Variants in PTPRO observed in about 807,000 individuals in gnomAD.
The protein encoded by PTPRO is protein tyrosine phosphatase receptor type O.
Under a neutral mutation model 145.2 loss-of-function variants are expected in PTPRO, and 62 were observed. The observed-to-expected ratio is 0.43, with a 90% CI of 0.35 to 0.53. The LOEUF is 0.53. PTPRO is among the 20% of genes least tolerant of loss of function. The pLI, the probability that PTPRO is intolerant of heterozygous loss-of-function variation, is 0.01. For missense variants in PTPRO, 1,345 were observed against 1,482.7 expected (o/e 0.91, Z 1.53); for synonymous variants, 565 against 514.7 (o/e 1.10, Z -1.32).
At chr12:15,574,259 C>T (rs1199423328) in intron 19 of PTPRO, among the ~76,000 whole-genome samples, 1 of 152,170 alleles carries the variant, frequency 6.6e-6, no homozygotes, top group Non-Finnish European at 1.5e-5. Context: ...GATTATCCTT[C>T]TGATAAAAAT....
chr12:15,478,052 C>T (rs147281980), intron 1 of PTPRO, among the ~76,000 whole-genome samples: 120 of 152,292 alleles, frequency 7.9e-4, no homozygotes, highest in African/African-American at 2.7e-3. Context: ...AAATTGTTCC[C>T]TACATTCTCA....
chr12:15,465,275 T>C (rs1389615552), intron 1 of PTPRO, among the ~76,000 whole-genome samples: 1 of 152,242 alleles, frequency 6.6e-6, no homozygotes, highest in Non-Finnish European at 1.5e-5. Context: ...GCTGAACATA[T>C]TACTCATGCA....
At chr12:15,473,610 T>A (rs565244644) in intron 1 of PTPRO, among the ~76,000 whole-genome samples, 96 of 151,264 alleles carry the variant, frequency 6.3e-4, no homozygotes, top group Non-Finnish European at 1.2e-3. Flanking sequence ...TACTAAAAAG[T>A]ACAAAAATTA....
chr12:15,427,296 G>C (rs1174756277), intron 1 of PTPRO, among the ~76,000 whole-genome samples: 1 of 151,712 alleles, frequency 6.6e-6, no homozygotes, highest in Admixed American at 6.6e-5. Context: ...CATGTTTTGG[G>C]AGTTTATCTT....
intron 1 of PTPRO, among the ~76,000 whole-genome samples, chr12:15,441,545 A>G (rs1940764333): frequency 6.6e-6 from 1 of 152,196 alleles, no homozygotes; most frequent in African/African-American, 2.4e-5. Flanking sequence ...CCAAAAATTC[A>G]TACAAAGTAT....
At chr12:15,461,758 G>A (rs1261638845) in intron 1 of PTPRO, among the ~76,000 whole-genome samples, 2 of 151,702 alleles carry the variant, frequency 1.3e-5, no homozygotes, top group Non-Finnish European at 2.9e-5. Context: ...AGCAGAGATG[G>A]GGTTTCACCG....
intron 1 of PTPRO, among the ~76,000 whole-genome samples, chr12:15,380,418 G>T (rs952599559): frequency 6.6e-6 from 1 of 151,864 alleles, no homozygotes; most frequent in East Asian, 1.9e-4. Context: ...AAGAAGAAAA[G>T]GTGGATAGGG....
At chr12:15,475,473 C>T (rs1055366759) in intron 1 of PTPRO, among the ~76,000 whole-genome samples, 1 of 152,100 alleles carries the variant, frequency 6.6e-6, no homozygotes, top group African/African-American at 2.4e-5. Flanking sequence ...AGATATGAAG[C>T]ACAATATGTA....
At chr12:15,523,066 A>C (rs922072868) in intron 10 of PTPRO, among the ~76,000 whole-genome samples, 4 of 152,224 alleles carry the variant, frequency 2.6e-5, no homozygotes, top group African/African-American at 4.8e-5. Context: ...TGTTAGATGC[A>C]TTGATGATCT....
chr12:15,368,836 C>G (rs59484937), intron 1 of PTPRO, among the ~76,000 whole-genome samples: 25,642 of 152,116 alleles, frequency 0.17, 5,128 homozygotes, highest in African/African-American at 0.48. Flanking sequence ...TTAAGTGGAC[C>G]TGTTATATTT....
chr12:15,478,918 G>A (rs901160222), intron 1 of PTPRO, among the ~76,000 whole-genome samples: 6 of 152,092 alleles, frequency 3.9e-5, no homozygotes, highest in Admixed American at 1.3e-4. Context: ...TGATCCGCCC[G>A]CCTCGGCCTC....
intron 12 of PTPRO, among the ~76,000 whole-genome samples, chr12:15,537,571 T>C (rs1943090378): frequency 6.6e-6 from 1 of 152,180 alleles, no homozygotes; most frequent in Admixed American, 6.5e-5. Context: ...ACTGGTGATT[T>C]TGAGAAGAGG....
chr12:15,526,015 A>G lies in PTPRO; in HGVS notation c.2044-127A>G, dbSNP rs1454538267. 3.3e-6 allele frequency: 4 copies of G among 1,204,166 alleles called. No homozygotes were observed. The African/African-American group carries it at 4.5e-5, about 14-fold the overall frequency. 74.6% of individuals were successfully genotyped at this position (1,204,166 alleles called of 1,614,324 possible). A position where few individuals can be genotyped will look rare whatever the true frequency, so the allele number is the denominator to read the frequency against. ...TCAGAAGATATAACGTATCTATAATATAATCAATTGCAGACTGCTGCATAG... is the reference window on the plus strand; with the variant it reads ...TCAGAAGATATAACGTATCTATAATGTAATCAATTGCAGACTGCTGCATAG... On this transcript the variant is annotated intron_variant, in intron 11 of 26. Transcript: ENST00000281171.
At chr12:15,550,078 C>T (rs918530548) in intron 14 of PTPRO, among the ~76,000 whole-genome samples, 1 of 152,096 alleles carries the variant, frequency 6.6e-6, no homozygotes, top group Non-Finnish European at 1.5e-5. Flanking sequence ...AAGTGCCAAC[C>T]TCTGCATAGT....
chr12:15,499,040 T>C (rs1942164773), intron 3 of PTPRO, among the ~76,000 whole-genome samples: 1 of 152,200 alleles, frequency 6.6e-6, no homozygotes, highest in Admixed American at 6.5e-5. Context: ...TTTTTCTAAA[T>C]GAAAACTTTT....
chr12:15,346,624 G>A (rs919546595), intron 1 of PTPRO: 2 of 152,182 alleles, frequency 1.3e-5, no homozygotes, highest in African/African-American at 4.8e-5. Flanking sequence ...ATACCGAATG[G>A]TCTATTTGGT....
chr12:15,589,709 T>G, intron 25 of PTPRO, 119 bp downstream of exon 25: 2 of 1,289,608 alleles, frequency 1.6e-6, no homozygotes, highest in Non-Finnish European at 2.2e-6. Flanking sequence ...TTTCCCATTT[T>G]CTTATTGTAT....
intron 1 of PTPRO, among the ~76,000 whole-genome samples, chr12:15,448,358 A>AAAAAAAAAAAAAAC: frequency 6.7e-6 from 1 of 149,790 alleles, no homozygotes; most frequent in African/African-American, 2.4e-5. Flanking sequence ...AAAAAAAAAA[A>AAAAAAAAAAAAAAC]AAGCACCGAT....
rs957233220 is a variant in PTPRO, at chr12:15,508,878, G to A, written c.1464+111G>A. 18 of 1,097,012 alleles carry A rather than the reference G, an allele frequency of 1.6e-5. 1 individual carries two copies. In the Admixed American group the frequency reaches 2.0e-4, roughly 12 times the overall value. The allele number at this position is 1,097,012 out of a possible 1,614,324, so 68.0% of individuals were successfully genotyped here. On this transcript the variant is annotated intron_variant, in intron 7 of 26. Coordinates refer to ENST00000281171, the MANE Select transcript of PTPRO (RefSeq NM_030667.3). ...GCCAGGCTGAGGTCTGCTGGGATGG[G>A]TGTGTTCTGTGACTGTTCCCAAGAG...
Sources: allele counts gnomAD v4.1 joint callset (sites outside exome capture counted in the v4.1 genomes callset), GRCh38; gene constraint gnomAD v4.1.1; transcripts MANE v1.5; gene names NCBI Gene and HGNC (gene_info 2026-07-23, HGNC 2026-07-21).